The following NXPH1 variants were observed in gnomAD, a reference collection of about 807,000 sequenced individuals.
NXPH1 encodes neurexophilin-1.
NXPH1 carries 5 observed loss-of-function variants against 23.7 expected under a neutral mutation model. That is an observed-to-expected ratio of 0.21 (90% CI 0.11 to 0.44). The LOEUF is 0.44. NXPH1 is among the 20% of genes least tolerant of loss of function. The probability of loss-of-function intolerance (pLI) is 0.99; values close to 1 mark genes in which losing one functional copy is unlikely to be tolerated. For missense variants in NXPH1, 324 were observed against 321.6 expected, an observed-to-expected ratio of 1.01 and a Z score of -0.06; for synonymous variants, 144 against 122.2, an observed-to-expected ratio of 1.18 and a Z score of -1.18.
intron 2 of NXPH1, among the ~76,000 whole-genome samples, chr7:8,525,848 T>C (rs1471042280): frequency 6.6e-6 from 1 of 152,168 alleles, no homozygotes; most frequent in African/African-American, 2.4e-5. Flanking sequence ...AGGCAAAAGT[T>C]TGCTGCAGGG....
intron 2 of NXPH1, among the ~76,000 whole-genome samples, chr7:8,550,087 G>C (rs1210204345): frequency 2.6e-5 from 4 of 151,534 alleles, no homozygotes; most frequent in Non-Finnish European, 5.9e-5. Flanking sequence ...ACCACCAATA[G>C]GTAGTTATAA....
intron 2 of NXPH1, among the ~76,000 whole-genome samples, chr7:8,666,080 C>T (rs984016208): frequency 6.6e-6 from 1 of 151,544 alleles, no homozygotes; most frequent in Non-Finnish European, 1.5e-5. Context: ...ACTTCTAGTA[C>T]TACACTGAAA....
rs182144617 is a variant in NXPH1, at chr7:8,491,189, A to G, written c.54+55422A>G. ...TTGTAATTTATACTAATAAGCTTGA[A>G]CGGGAATCCACTTGCTTTGGACATT... On this transcript the variant is annotated intron_variant, in intron 2 of 2. Coordinates refer to ENST00000405863, the MANE Select transcript of NXPH1 (RefSeq NM_152745.3). Among the ~76,000 whole-genome samples the G allele has an allele frequency of 1.3e-5, 2 of 152,120 alleles. 1 individual carries two copies. The highest frequency in any genetic ancestry group is 4.8e-5 in the African/African-American group (2 of 41,542).
At chr7:8,529,479 T>C (rs988577510) in intron 2 of NXPH1, among the ~76,000 whole-genome samples, 2 of 152,150 alleles carry the variant, frequency 1.3e-5, no homozygotes, top group African/African-American at 2.4e-5. Context: ...GGAGTCATGA[T>C]AAGGGTTCAC....
At chr7:8,525,321 A>G (rs1037395598) in intron 2 of NXPH1, among the ~76,000 whole-genome samples, 3 of 152,204 alleles carry the variant, frequency 2.0e-5, no homozygotes, top group Admixed American at 1.3e-4. Context: ...CAAAGCATTC[A>G]AGGGGTAACT....
intron 2 of NXPH1, among the ~76,000 whole-genome samples, chr7:8,615,108 T>C (rs1182798406): frequency 2.6e-5 from 4 of 152,038 alleles, no homozygotes; most frequent in African/African-American, 9.7e-5. Context: ...ATGACGCTGA[T>C]TGGAATTGTT....
At chr7:8,469,193 T>C (rs745868913) in intron 2 of NXPH1, among the ~76,000 whole-genome samples, 65 of 152,072 alleles carry the variant, frequency 4.3e-4, no homozygotes, top group Non-Finnish European at 8.8e-4. Context: ...AGTACCATTA[T>C]AGTGATTTTT....
chr7:8,627,591 C>A (rs899850826), intron 2 of NXPH1, among the ~76,000 whole-genome samples: 5 of 152,110 alleles, frequency 3.3e-5, no homozygotes, highest in Admixed American at 2.6e-4. Context: ...CATTTTATTA[C>A]TGACACTGAA....
intron 2 of NXPH1, among the ~76,000 whole-genome samples, chr7:8,641,359 T>C (rs1483119295): frequency 6.6e-6 from 1 of 150,476 alleles, no homozygotes; most frequent in African/African-American, 2.5e-5. Flanking sequence ...TCTTCCCAAC[T>C]CTGTGTTCAG....
intron 2 of NXPH1, among the ~76,000 whole-genome samples, chr7:8,452,431 T>G (rs2128605639): frequency 6.6e-6 from 1 of 152,326 alleles, no homozygotes; most frequent in African/African-American, 2.4e-5. Flanking sequence ...GAAGGCATTT[T>G]TATCTCCCTT....
At chr7:8,658,499 T>C (rs1820616704) in intron 2 of NXPH1, among the ~76,000 whole-genome samples, 1 of 152,248 alleles carries the variant, frequency 6.6e-6, no homozygotes. Context: ...TGCTTCATGT[T>C]GATTTGTGCT....
chr7:8,601,485 G>C (rs1371960683), intron 2 of NXPH1, among the ~76,000 whole-genome samples: 1 of 152,152 alleles, frequency 6.6e-6, no homozygotes, highest in Admixed American at 6.5e-5. Context: ...CTGTTCTTCA[G>C]GATGAAAAGT....
chr7:8,583,059 C>T (rs1818911814), intron 2 of NXPH1, among the ~76,000 whole-genome samples: 1 of 152,032 alleles, frequency 6.6e-6, no homozygotes, highest in Non-Finnish European at 1.5e-5. Context: ...TGTGCATACA[C>T]TTGGCCGGGT....
intron 2 of NXPH1, among the ~76,000 whole-genome samples, chr7:8,498,744 G>A (rs1457167540): frequency 6.6e-6 from 1 of 152,036 alleles, no homozygotes; most frequent in South Asian, 2.1e-4. Flanking sequence ...CCTATTATGA[G>A]CAAAGTCCTA....
At chr7:8,646,874 TA>T (rs1264606164) in intron 2 of NXPH1, among the ~76,000 whole-genome samples, 1 of 142,860 alleles carries the variant, frequency 7.0e-6, no homozygotes, top group Non-Finnish European at 1.5e-5. Flanking sequence ...TTTTTTTTTT[TA>T]AAGGCAATAA....
chr7:8,655,453 C>T (rs865985732), intron 2 of NXPH1, among the ~76,000 whole-genome samples: 137 of 116,306 alleles, frequency 1.2e-3, no homozygotes, highest in African/African-American at 4.4e-3. Context: ...TCTCTCTATA[C>T]ACACACACAC....
chr7:8,585,979 C>T (rs778425156), intron 2 of NXPH1, among the ~76,000 whole-genome samples: 5 of 152,134 alleles, frequency 3.3e-5, no homozygotes, highest in Non-Finnish European at 7.4e-5. Flanking sequence ...GGGGATAAAA[C>T]ATTATAGAAA....
At chr7:8,707,378 G>T (rs1181328967) in intron 2 of NXPH1, among the ~76,000 whole-genome samples, 3 of 151,950 alleles carry the variant, frequency 2.0e-5, no homozygotes, top group Non-Finnish European at 1.5e-5. Flanking sequence ...TATTTCTCAG[G>T]CTATTATTAA....
chr7:8,584,285 C>T (rs1342051533), intron 2 of NXPH1, among the ~76,000 whole-genome samples: 1 of 152,128 alleles, frequency 6.6e-6, no homozygotes, highest in Non-Finnish European at 1.5e-5. Context: ...ACTTTCTTAA[C>T]TGTGAAGATT....
Sources: allele counts gnomAD v4.1 joint callset (sites outside exome capture counted in the v4.1 genomes callset), GRCh38; gene constraint gnomAD v4.1.1; transcripts MANE v1.5; gene names NCBI Gene and HGNC (gene_info 2026-07-23, HGNC 2026-07-21).